SH2D4B: variants seen among roughly 807,000 people sequenced by gnomAD.
The protein encoded by SH2D4B is SH2 domain-containing protein 4B.
In SH2D4B, 45 loss-of-function variants were observed where a neutral mutation model predicts 61.5. The observed-to-expected ratio is 0.73, with a 90% CI of 0.58 to 0.94. The LOEUF (loss-of-function observed/expected upper bound fraction) is 0.94, where lower values mean the gene tolerates loss of function less well. SH2D4B is among the 40% of genes least tolerant of loss of function. The pLI is 0.00. For synonymous variants in SH2D4B, 224 were observed against 220.4 expected, an observed-to-expected ratio of 1.02 and a Z score of -0.14; for missense variants, 572 against 574.2, an observed-to-expected ratio of 1.00 and a Z score of 0.04.
At chr10:80,627,053 T>G (rs527574523) in intron 6 of SH2D4B, among the ~76,000 whole-genome samples, 1 of 152,308 alleles carries the variant, frequency 6.6e-6, no homozygotes, top group East Asian at 1.9e-4. Flanking sequence ...TCGTGCCTAA[T>G]GCTGGCTGTG....
intron 1 of SH2D4B, among the ~76,000 whole-genome samples, chr10:80,556,782 T>C (rs1304113356): frequency 6.6e-6 from 1 of 152,232 alleles, no homozygotes; most frequent in East Asian, 1.9e-4. Flanking sequence ...ACTGATTAAT[T>C]TGAATATCTT....
At chr10:80,592,044 C>A (rs1437157917) in intron 4 of SH2D4B, among the ~76,000 whole-genome samples, 2 of 152,096 alleles carry the variant, frequency 1.3e-5, no homozygotes, top group African/African-American at 4.8e-5. Flanking sequence ...TCCTTGCCAA[C>A]CCTTGTAATT....
chr10:80,634,262 T>TG, intron 6 of SH2D4B, 23 bp from the exon 7 acceptor site: 2 of 1,473,898 alleles, frequency 1.4e-6, no homozygotes, highest in Non-Finnish European at 1.8e-6. Flanking sequence ...TGTGTTTTTT[T>TG]GTTTTTTTCT....
Position 80,587,132 on chromosome 10 carries a change from TTTTTTTTTTTTTTGTTTTG to T in SH2D4B, c.496-1484_496-1466del, listed in dbSNP as rs754062677. On this transcript the variant is annotated intron_variant, in intron 3 of 7. Coordinates refer to ENST00000646907, the MANE Select transcript of SH2D4B (RefSeq NM_001388272.1). ...AAGAACCCACCAATTCCGGCCACGT[TTTTTTTTTTTTTTGTTTTG>T]TTTTTTTTTTTTTTTTTGGAGACGC... Among the ~76,000 whole-genome samples the T allele has an allele frequency of 6.3e-3, 427 of 67,712 alleles. 13 individuals carry two copies. Among genetic ancestry groups the T allele is most frequent in the African/African-American group, 0.039 (376 of 9,574 alleles). 44.4% of individuals were successfully genotyped at this position (67,712 alleles called of 152,430 possible). A position where few individuals can be genotyped will look rare whatever the true frequency, so the allele number is the denominator to read the frequency against.
chr10:80,613,479 C>A (rs1564784213), intron 6 of SH2D4B, among the ~76,000 whole-genome samples: 3 of 152,264 alleles, frequency 2.0e-5, no homozygotes, highest in African/African-American at 4.8e-5. Flanking sequence ...CCATTGGCTG[C>A]CTTGCTGCTT....
rs1279897706 is a variant in SH2D4B at position 80,646,058 on chromosome 10, A to T, written c.*1973A>T. The T allele has an allele frequency of 6.6e-6, 1 of 152,614 alleles. No individual in the cohort carries two copies. Among genetic ancestry groups the T allele is most frequent in the Non-Finnish European group, 1.5e-5 (1 of 68,036 alleles). The allele number at this position is 152,614 out of a possible 1,614,324, so 9.5% of individuals were successfully genotyped here. On this transcript the variant is annotated 3_prime_UTR_variant, in exon 8 of 8. Coordinates refer to ENST00000646907, the MANE Select transcript of SH2D4B (RefSeq NM_001388272.1). ...ACTTCAGTAAACCTCGGTATGACTG[A>T]AAAGGGAGTTTTCTGTATGGCCGTC...
chr10:80,576,520 T>G (rs1842127072), intron 3 of SH2D4B, among the ~76,000 whole-genome samples: 2 of 152,174 alleles, frequency 1.3e-5, no homozygotes, highest in South Asian at 2.1e-4. Flanking sequence ...AGCTGAGATA[T>G]CTTCTGTTTG....
intron 1 of SH2D4B, among the ~76,000 whole-genome samples, chr10:80,557,309 A>T (rs1841850920): frequency 6.6e-6 from 1 of 152,140 alleles, no homozygotes; most frequent in Non-Finnish European, 1.5e-5. Flanking sequence ...AAGATTTTAA[A>T]AAATCTGTGT....
chr10:80,617,811 C>A (rs1360708126), intron 6 of SH2D4B, among the ~76,000 whole-genome samples: 2 of 152,208 alleles, frequency 1.3e-5, no homozygotes, highest in Non-Finnish European at 2.9e-5. Flanking sequence ...AGCAATGCAT[C>A]AGCCTGAGGT....
intron 6 of SH2D4B, among the ~76,000 whole-genome samples, chr10:80,614,663 C>T (rs776085749): frequency 6.6e-6 from 1 of 152,256 alleles, no homozygotes; most frequent in African/African-American, 2.4e-5. Context: ...GGCCTTTACA[C>T]CCTCTGCTCC....
rs1306457011 is a variant in SH2D4B at position 80,609,540 on chromosome 10, C to T, written c.977C>T (p.Pro326Leu). Residue 326 changes from proline to leucine, a missense_variant, in exon 6 of 8, where the codon CCC becomes CTC. Coordinates refer to ENST00000646907, the MANE Select transcript of SH2D4B (RefSeq NM_001388272.1). ...GAGAGGAACACCAAGTTCATCGCCCCCTGGTTCCATGGTAGCACCATTTTT... is the reference window on the plus strand; with the variant it reads ...GAGAGGAACACCAAGTTCATCGCCCTCTGGTTCCATGGTAGCACCATTTTT... Reference protein sequence around the residue: ...GFERNTKFIAPWFHGIISRED... With the variant: ...GFERNTKFIALWFHGIISRED... 1 of 1,614,224 alleles carries T rather than the reference C, an allele frequency of 6.2e-7. No homozygotes were observed. The highest frequency in any genetic ancestry group is 8.5e-7 in the Non-Finnish European group (1 of 1,180,038).
intron 1 of SH2D4B, among the ~76,000 whole-genome samples, chr10:80,557,927 T>C (rs892606196): frequency 2.0e-4 from 30 of 152,170 alleles, no homozygotes; most frequent in Non-Finnish European, 1.5e-5. Flanking sequence ...TGTGGGAGCT[T>C]AGACCATTGA....
rs1878037 is a variant in SH2D4B at position 80,627,831 on chromosome 10, G to A, written c.989-6454G>A. On this transcript the variant is annotated intron_variant, in intron 6 of 7. Transcript: ENST00000646907. Reference sequence around the variant, plus strand: ...AAGGAAGGAAGCGGGGAGAGAAAATGTTCCTGGAAACTATAGGAAAAACAA... The same window carrying A: ...AAGGAAGGAAGCGGGGAGAGAAAATATTCCTGGAAACTATAGGAAAAACAA... 7.5e-4 allele frequency among the ~76,000 whole-genome samples: 114 copies of A among 152,024 alleles called. 1 individual carries two copies. The East Asian group carries it at 0.019, about 25-fold the overall frequency.
intron 1 of SH2D4B, among the ~76,000 whole-genome samples, chr10:80,556,916 T>C (rs1243205121): frequency 6.6e-6 from 1 of 152,170 alleles, no homozygotes; most frequent in Admixed American, 6.5e-5. Flanking sequence ...TTGTACTGAT[T>C]AGGGTCTTCA....
chr10:80,631,777 G>T (rs1404259813), intron 6 of SH2D4B, among the ~76,000 whole-genome samples: 1 of 152,182 alleles, frequency 6.6e-6, no homozygotes, highest in Non-Finnish European at 1.5e-5. Flanking sequence ...AGCAGAAAGT[G>T]GAATGGTGGT....
In SH2D4B at chr10:80,539,010, T is replaced by C. The variant is rs529114590; in HGVS notation, c.184+495T>C. On this transcript the variant is annotated intron_variant, in intron 1 of 7. Transcript: ENST00000646907. The surrounding 1 kb of genome is among the most constrained non-coding windows in gnomAD (Gnocchi z 4.9). ...CCCTCCAGATCCTCCGGCAGGAGGATGCTGTGGGTTGTCTCTGGAGCCCCA... is the reference window on the plus strand; with the variant it reads ...CCCTCCAGATCCTCCGGCAGGAGGACGCTGTGGGTTGTCTCTGGAGCCCCA... 8.5e-5 allele frequency among the ~76,000 whole-genome samples: 13 copies of C among 152,350 alleles called. No individual in the cohort carries two copies. The highest frequency in any genetic ancestry group is 3.1e-4 in the African/African-American group (13 of 41,590).
chr10:80,581,559 C>G (rs776305556), intron 3 of SH2D4B, among the ~76,000 whole-genome samples: 1 of 152,066 alleles, frequency 6.6e-6, no homozygotes, highest in Non-Finnish European at 1.5e-5. Flanking sequence ...TGGACACAGA[C>G]GGGCACACAC....
chr10:80,582,435 T>C, intron 3 of SH2D4B, among the ~76,000 whole-genome samples: 1 of 152,206 alleles, frequency 6.6e-6, no homozygotes, highest in East Asian at 1.9e-4. Context: ...TGTGATCCTC[T>C]GCTAAAAATA....
intron 1 of SH2D4B, among the ~76,000 whole-genome samples, chr10:80,552,112 C>T (rs1287857847): frequency 1.3e-5 from 2 of 152,214 alleles, no homozygotes; most frequent in East Asian, 1.9e-4. Context: ...GCCATACCTC[C>T]TAATACCATT....
Sources: gnomAD v4.1 joint callset for allele counts (sites outside exome capture counted in the v4.1 genomes callset) on GRCh38, gnomAD v4.1.1 for gene constraint, Gnocchi (gnomAD v3.1) non-coding constraint, MANE v1.5 for transcripts, NCBI Gene and HGNC (gene_info 2026-07-23, HGNC 2026-07-21) for gene names.